The following GALNT13 variants were observed in gnomAD, a reference collection of about 807,000 sequenced individuals.
GALNT13 encodes the protein UDP-GalNAc:polypeptide N-acetylgalactosaminyltransferase 13.
A neutral mutation model predicts 64.2 loss-of-function variants in GALNT13; 28 were observed. The observed-to-expected ratio is 0.44, with a 90% confidence interval of 0.32 to 0.60. GALNT13 has a LOEUF of 0.60. GALNT13 is among the 20% of genes least tolerant of loss of function. The probability of loss-of-function intolerance (pLI) is 0.05; values close to 1 mark genes in which losing one functional copy is unlikely to be tolerated. For missense variants in GALNT13, 577 were observed against 669.8 expected (o/e 0.86, Z 1.53); for synonymous variants, 214 against 224.6 (o/e 0.95, Z 0.42).
At chr2:153,219,820 T>A in the GALNT13 span, among the ~76,000 whole-genome samples, 1 of 152,218 alleles carries the variant, frequency 6.6e-6, no homozygotes, top group Non-Finnish European at 1.5e-5. Context: ...TGCTTCAGAG[T>A]GCTCAAAGCT....
At chr2:154,201,225 A>G (rs1687150830) in intron 4 of GALNT13, among the ~76,000 whole-genome samples, 1 of 152,148 alleles carries the variant, frequency 6.6e-6, no homozygotes, top group Non-Finnish European at 1.5e-5. Flanking sequence ...TACTGTTAGT[A>G]GTTAATAAAG....
the GALNT13 span, among the ~76,000 whole-genome samples, chr2:153,625,582 C>T: frequency 7.9e-5 from 12 of 152,226 alleles, no homozygotes; most frequent in South Asian, 6.2e-4. Flanking sequence ...TGATATTTTA[C>T]GGAGTCCCTG....
At chr2:154,294,162 C>T (rs1035786698) in intron 8 of GALNT13, among the ~76,000 whole-genome samples, 3 of 152,228 alleles carry the variant, frequency 2.0e-5, no homozygotes, top group Admixed American at 6.5e-5. Context: ...ACAGGCAAAA[C>T]ATGAGCCAGT....
chr2:153,194,876 G>T, the GALNT13 span, among the ~76,000 whole-genome samples: 2 of 152,186 alleles, frequency 1.3e-5, no homozygotes, highest in Non-Finnish European at 2.9e-5. Flanking sequence ...TTTCCTCAGT[G>T]GCTTTAGCTG....
chr2:153,128,930 C>A, the GALNT13 span, among the ~76,000 whole-genome samples: 1 of 152,092 alleles, frequency 6.6e-6, no homozygotes, highest in Admixed American at 6.5e-5. Context: ...TGGGAAAGAC[C>A]TGCCCCCATG....
At chr2:153,629,766 T>C in the GALNT13 span, among the ~76,000 whole-genome samples, 3 of 147,984 alleles carry the variant, frequency 2.0e-5, no homozygotes, top group Admixed American at 6.7e-5. Context: ...AGGGCTAATA[T>C]CCAGAATCTA....
chr2:153,447,319 C>T, the GALNT13 span, among the ~76,000 whole-genome samples: 1 of 152,170 alleles, frequency 6.6e-6, no homozygotes, highest in South Asian at 2.1e-4. Context: ...TCTCATAGCT[C>T]TGGCCTCCAA....
chr2:153,573,323 C>T, the GALNT13 span, among the ~76,000 whole-genome samples: 9 of 151,856 alleles, frequency 5.9e-5, no homozygotes, highest in East Asian at 1.7e-3. Context: ...ACTTTTAGTC[C>T]ATATGTGCCT....
the GALNT13 span, among the ~76,000 whole-genome samples, chr2:153,793,528 A>G: frequency 6.6e-6 from 1 of 152,088 alleles, no homozygotes; most frequent in Non-Finnish European, 1.5e-5. Context: ...GGCAAACTAT[A>G]TTATTTCATA....
intron 1 of GALNT13, among the ~76,000 whole-genome samples, chr2:153,892,333 A>G (rs1393609589): frequency 6.6e-6 from 1 of 152,080 alleles, no homozygotes; most frequent in African/African-American, 2.4e-5. Flanking sequence ...CATGCCTTGT[A>G]TCTTTTTCTG....
chr2:154,390,671 T>TA (rs749389155), intron 9 of GALNT13, among the ~76,000 whole-genome samples: 8 of 151,826 alleles, frequency 5.3e-5, no homozygotes, highest in Non-Finnish European at 7.4e-5. Flanking sequence ...ACAGCTTATT[T>TA]AAAAAAAATA....
At chr2:153,126,294 T>TTGTATG in the GALNT13 span, among the ~76,000 whole-genome samples, 1 of 50,956 alleles carries the variant, frequency 2.0e-5, no homozygotes, top group African/African-American at 6.2e-5. Flanking sequence ...AGTATTGATT[T>TTGTATG]TGTATATATA....
chr2:153,988,065 T>TACACAC (rs1306972977), intron 3 of GALNT13, among the ~76,000 whole-genome samples: 1 of 140,824 alleles, frequency 7.1e-6, no homozygotes, highest in Non-Finnish European at 1.6e-5. Context: ...GACATATATA[T>TACACAC]ATATATATAC....
intron 3 of GALNT13, among the ~76,000 whole-genome samples, chr2:154,092,864 G>A (rs1292327402): frequency 6.6e-6 from 1 of 151,972 alleles, no homozygotes; most frequent in African/African-American, 2.4e-5. Context: ...AGGCAGCTGA[G>A]GGTAATTCTT....
chr2:153,340,228 A>G, the GALNT13 span, among the ~76,000 whole-genome samples: 1 of 152,190 alleles, frequency 6.6e-6, no homozygotes, highest in African/African-American at 2.4e-5. Flanking sequence ...ATCCATGAAC[A>G]CAAGGTGTCT....
intron 2 of GALNT13, among the ~76,000 whole-genome samples, chr2:153,935,941 G>A (rs1690880777): frequency 6.6e-6 from 1 of 152,144 alleles, no homozygotes; most frequent in African/African-American, 2.4e-5. Context: ...CTTCTCTCCA[G>A]TCCTCTATTA....
chr2:153,718,960 G>C, the GALNT13 span, among the ~76,000 whole-genome samples: 1 of 152,060 alleles, frequency 6.6e-6, no homozygotes, highest in Admixed American at 6.5e-5. Flanking sequence ...GAAATGCCGT[G>C]AATTTTACCC....
the GALNT13 span, among the ~76,000 whole-genome samples, chr2:153,127,356 C>G: frequency 6.6e-6 from 1 of 152,040 alleles, no homozygotes; most frequent in Non-Finnish European, 1.5e-5. Flanking sequence ...AGTCATGTGG[C>G]CTCTCATATC....
the GALNT13 span, among the ~76,000 whole-genome samples, chr2:153,628,535 A>G: frequency 6.6e-6 from 1 of 151,668 alleles, no homozygotes; most frequent in Non-Finnish European, 1.5e-5. Context: ...TACCTAATTT[A>G]TTGAGAGTTT....
Sources: gnomAD v4.1 joint callset for allele counts (sites outside exome capture counted in the v4.1 genomes callset) on GRCh38, gnomAD v4.1.1 for gene constraint, MANE v1.5 for transcripts, NCBI Gene and HGNC (gene_info 2026-07-23, HGNC 2026-07-21) for gene names.